The following PKP4 variants were observed in gnomAD, a reference collection of about 807,000 sequenced individuals.
PKP4 encodes the protein plakophilin-4.
Under a neutral mutation model 145.1 loss-of-function variants are expected in PKP4, and 90 were observed. The ratio of observed to expected loss-of-function variants is 0.62; its 90% CI spans 0.52 to 0.74. The LOEUF is 0.74. PKP4 is among the 30% of genes least tolerant of loss of function. PKP4 has a pLI of 0.00. For synonymous variants in PKP4, 563 were observed against 577.2 expected (o/e 0.98, Z 0.35); for missense variants, 1,340 against 1,482.7 (o/e 0.90, Z 1.58).
At chr2:158,646,729 G>C (rs2054862969) in intron 11 of PKP4, among the ~76,000 whole-genome samples, 1 of 152,106 alleles carries the variant, frequency 6.6e-6, no homozygotes, top group African/African-American at 2.4e-5. Flanking sequence ...TGTAGCACAG[G>C]GTTGGGGGAG....
At chr2:158,647,293 A>T (rs1401733785) in intron 11 of PKP4, among the ~76,000 whole-genome samples, 1 of 152,254 alleles carries the variant, frequency 6.6e-6, no homozygotes, top group Non-Finnish European at 1.5e-5. Context: ...GGATCATGAG[A>T]TGTTAAAATA....
At chr2:158,584,810 A>G (rs2048658832) in intron 3 of PKP4, among the ~76,000 whole-genome samples, 1 of 152,236 alleles carries the variant, frequency 6.6e-6, no homozygotes, top group Admixed American at 6.5e-5. Context: ...TCTTGACAAC[A>G]GACTTGGAAT....
At chr2:158,488,260 A>G (rs1253483892) in intron 1 of PKP4, among the ~76,000 whole-genome samples, 1 of 152,204 alleles carries the variant, frequency 6.6e-6, no homozygotes, top group Non-Finnish European at 1.5e-5. Context: ...TGAGCCTACT[A>G]TGTGCTGGGG....
chr2:158,658,092 G>T, intron 11 of PKP4, 39 bp from the exon 12 acceptor site: 1 of 1,121,510 alleles, frequency 8.9e-7, no homozygotes. Context: ...AAAGCCACAG[G>T]ATCTCTATTT....
At chr2:158,662,841 G>T in intron 13 of PKP4, 56 bp from the exon 14 acceptor site, 1 of 1,390,168 alleles carries the variant, frequency 7.2e-7, no homozygotes, top group South Asian at 1.3e-5. Context: ...CAGTACAGAA[G>T]TGTTTTGCTC....
intron 1 of PKP4, among the ~76,000 whole-genome samples, chr2:158,515,634 T>C (rs980651567): frequency 5.3e-5 from 8 of 152,196 alleles, no homozygotes; most frequent in African/African-American, 1.9e-4. Context: ...GAAAGCCAAA[T>C]TGTGAAGGAT....
chr2:158,601,751 A>T (rs913495372), intron 3 of PKP4, among the ~76,000 whole-genome samples: 4 of 152,188 alleles, frequency 2.6e-5, no homozygotes, highest in African/African-American at 9.7e-5. Context: ...TGATGGAGAA[A>T]AGGCAAATCA....
At chr2:158,605,546 A>AC in intron 4 of PKP4, among the ~76,000 whole-genome samples, 1 of 152,270 alleles carries the variant, frequency 6.6e-6, no homozygotes, top group South Asian at 2.1e-4. Context: ...AATTTGGCAC[A>AC]CATGCATGTG....
chr2:158,633,436 G>A (rs996903071), intron 8 of PKP4, among the ~76,000 whole-genome samples: 2 of 152,198 alleles, frequency 1.3e-5, no homozygotes, highest in African/African-American at 4.8e-5. Context: ...TATAGCATGG[G>A]TACACTGGAC....
At chr2:158,633,462 G>A (rs762689641) in intron 8 of PKP4, among the ~76,000 whole-genome samples, 5 of 152,214 alleles carry the variant, frequency 3.3e-5, no homozygotes, top group African/African-American at 9.6e-5. Flanking sequence ...GATTATTCAC[G>A]TCCCAGTGGG....
intron 2 of PKP4, among the ~76,000 whole-genome samples, chr2:158,533,825 C>T (rs2043799523): frequency 6.6e-6 from 1 of 152,098 alleles, no homozygotes; most frequent in Non-Finnish European, 1.5e-5. Context: ...TGCCAGTTTG[C>T]TTCAATGTCA....
chr2:158,676,637 C>T, intron 19 of PKP4, 102 bp from the exon 20 acceptor site: 1 of 1,371,368 alleles, frequency 7.3e-7, no homozygotes, highest in Admixed American at 1.7e-5. Flanking sequence ...TGTGTCATTT[C>T]TAGTTACTGA....
At chr2:158,675,162 G>A (rs911080332) in intron 19 of PKP4, among the ~76,000 whole-genome samples, 2 of 152,126 alleles carry the variant, frequency 1.3e-5, no homozygotes, top group Admixed American at 1.3e-4. Context: ...AAGATGTGTG[G>A]CTCTATAACA....
Position 158,631,895 on chromosome 2 carries a change from T to C in PKP4, c.1296T>C (p.Thr432=), listed in dbSNP as rs2053397901. The C allele has an allele frequency of 3.7e-6, 6 of 1,614,146 alleles. No homozygotes were observed. Among genetic ancestry groups the C allele is most frequent in the Non-Finnish European group, 4.2e-6 (5 of 1,180,018 alleles). The part of the protein sequence containing the change: ...SPVYRSPNHG[T]VELQGSQTAL... ...TGTACCGCAGCCCAAACCATGGAACTGTGGAGCTCCAAGGATCGCAGACGG... is the reference window on the plus strand; with the variant it reads ...TGTACCGCAGCCCAAACCATGGAACCGTGGAGCTCCAAGGATCGCAGACGG... The change falls in exon 8 of 22, where the codon ACT becomes ACC. Residue 432 remains threonine (T), a synonymous_variant. Coordinates refer to ENST00000389759, the MANE Select transcript of PKP4 (RefSeq NM_003628.6).
intron 2 of PKP4, among the ~76,000 whole-genome samples, chr2:158,563,994 C>T (rs558773000): frequency 6.6e-6 from 1 of 152,238 alleles, no homozygotes; most frequent in African/African-American, 2.4e-5. Flanking sequence ...CTGGTACATG[C>T]AAATAATACT....
chr2:158,617,343 C>T (rs1159083076), intron 4 of PKP4, among the ~76,000 whole-genome samples: 1 of 151,820 alleles, frequency 6.6e-6, no homozygotes, highest in African/African-American at 2.4e-5. Flanking sequence ...TTTAAACCAA[C>T]ACATGTTCTT....
intron 10 of PKP4, among the ~76,000 whole-genome samples, chr2:158,641,224 G>A (rs1042649490): frequency 2.0e-5 from 3 of 151,810 alleles, no homozygotes; most frequent in Middle Eastern, 3.2e-3. Context: ...TGTAATCCCC[G>A]CTACTCAGAA....
In PKP4 at chr2:158,680,481, C is replaced by T. The variant is rs753049090; in HGVS notation, c.3383C>T (p.Ala1128Val). 7 of 1,611,750 alleles carry T rather than the reference C, an allele frequency of 4.3e-6. No individual in the cohort carries two copies. The highest frequency in any genetic ancestry group is 5.1e-6 in the Non-Finnish European group (6 of 1,177,992). Residue 1128 changes from alanine to valine, a missense_variant, in exon 22 of 22, where the codon GCA becomes GTA. Physicochemically the swap from Ala to Val is moderately conservative, Grantham distance 64. Transcript: ENST00000389759. ...QDDSNRKNFDAYRLYLQSPHS... is the reference protein window; with the variant it reads ...QDDSNRKNFDVYRLYLQSPHS... ...GACTCCAACAGAAAGAACTTTGATG[C>T]ATACAGATTGTATTTGCAGTCTCCT...
At chr2:158,457,999 C>T (rs955676774) in intron 1 of PKP4, 3 of 152,564 alleles carry the variant, frequency 2.0e-5, no homozygotes, top group African/African-American at 7.2e-5. Flanking sequence ...GCCCTCTCCC[C>T]TGGACCGCTA....
Sources: allele counts gnomAD v4.1 joint callset (sites outside exome capture counted in the v4.1 genomes callset), GRCh38; gene constraint gnomAD v4.1.1; transcripts MANE v1.5; gene names NCBI Gene and HGNC (gene_info 2026-07-23, HGNC 2026-07-21).